The following MCMBP variants were observed in gnomAD, a reference collection of about 807,000 sequenced individuals.
MCMBP encodes the protein mini-chromosome maintenance complex-binding protein.
MCMBP carries 31 observed loss-of-function variants against 81.3 expected under a neutral mutation model. That is an observed-to-expected ratio of 0.38 (90% confidence interval 0.29 to 0.51). MCMBP has a LOEUF of 0.51. MCMBP is among the 20% of genes least tolerant of loss of function. MCMBP has a pLI of 0.87. For missense variants in MCMBP, 645 were observed against 772.1 expected (o/e 0.84, Z 1.95); for synonymous variants, 267 against 275.9 (o/e 0.97, Z 0.32).
chr10:119,858,760 A>C, intron 4 of MCMBP, 124 bp downstream of exon 4: 2 of 784,326 alleles, frequency 2.5e-6, no homozygotes, highest in East Asian at 5.5e-5. Flanking sequence ...AAATAAGGAA[A>C]ACATTTCACA....
intron 5 of MCMBP, among the ~76,000 whole-genome samples, chr10:119,854,981 A>G (rs1378330862): frequency 3.3e-5 from 5 of 151,840 alleles, no homozygotes; most frequent in African/African-American, 1.2e-4. Context: ...AATAAAATAA[A>G]ATCATAATCA....
intron 1 of MCMBP, among the ~76,000 whole-genome samples, chr10:119,871,327 G>C (rs1365408439): frequency 6.6e-6 from 1 of 151,430 alleles, no homozygotes; most frequent in Non-Finnish European, 1.5e-5. Flanking sequence ...AAGCACCCTT[G>C]ACTGCTATAT....
chr10:119,852,974 T>G (rs759057724), intron 6 of MCMBP, 76 bp downstream of exon 6: 8 of 1,547,394 alleles, frequency 5.2e-6, no homozygotes, highest in Non-Finnish European at 7.1e-6. Flanking sequence ...AGAGCTATAT[T>G]ATGTAACAAT....
Position 119,831,571 on chromosome 10 carries a change from G to A in MCMBP, c.1826C>T (p.Thr609Met), listed in dbSNP as rs367806765. ...TCTCAGCCATCGTTCTCTTGACAGC[G>A]TTGTCTGACCAGCACTGAGAGACAG... ...RCLSLSAGQT[T>M]LSRERWLRAK... is the part of the protein sequence containing the mutation. The change falls in exon 16 of 16, where the codon ACG becomes ATG. Residue 609 changes from threonine (T) to methionine (M), a missense_variant. Thr to Met is a moderately conservative substitution (Grantham distance 81). Transcript: ENST00000369077. The A allele has an allele frequency of 1.7e-5, 27 of 1,613,858 alleles. No homozygotes were observed. Among genetic ancestry groups the A allele is most frequent in the African/African-American group, 1.1e-4 (8 of 74,914 alleles).
intron 7 of MCMBP, 22 bp from the exon 8 acceptor site, chr10:119,847,735 T>A: frequency 7.1e-7 from 1 of 1,404,076 alleles, no homozygotes; most frequent in Middle Eastern, 1.8e-4. Flanking sequence ...CCACATGAAA[T>A]CACACTGTTA....
chr10:119,873,082 C>G (rs1459401796), upstream of MCMBP, among the ~76,000 whole-genome samples: 2 of 152,002 alleles, frequency 1.3e-5, no homozygotes, highest in African/African-American at 4.8e-5. Flanking sequence ...ACCCCTGGGC[C>G]GGCGTGTAGC....
At chr10:119,869,434 T>A (rs1397141790) in intron 1 of MCMBP, among the ~76,000 whole-genome samples, 1 of 152,188 alleles carries the variant, frequency 6.6e-6, no homozygotes, top group Non-Finnish European at 1.5e-5. Context: ...TAGCTGGGCA[T>A]GGTGGCATGC....
At chr10:119,833,849 G>C (rs1852140869) in intron 14 of MCMBP, among the ~76,000 whole-genome samples, 1 of 152,000 alleles carries the variant, frequency 6.6e-6, no homozygotes, top group African/African-American at 2.4e-5. Context: ...CACATAAAAA[G>C]AACTTCAGGA....
chr10:119,839,632 AG>A (rs1852365774), intron 11 of MCMBP, among the ~76,000 whole-genome samples: 1 of 152,210 alleles, frequency 6.6e-6, no homozygotes, highest in Admixed American at 6.5e-5. Flanking sequence ...ACCCTTTTAC[AG>A]GGTCAATCAG....
rs766774498 is a variant in MCMBP at position 119,853,046 on chromosome 10, C to T, written c.574+4G>A. 2.5e-6 allele frequency: 4 copies of T among 1,613,932 alleles called. No individual in the cohort carries two copies. In the African/African-American group the frequency reaches 5.3e-5, roughly 22 times the overall value. On this transcript the variant is annotated splice_donor_region_variant and intron_variant, in intron 6 of 15. Coordinates refer to ENST00000369077, the MANE Select transcript of MCMBP (RefSeq NM_001256378.2). The stretch of plus-strand genomic sequence containing the variant: ...TCTAGAGAAAACCTGTTGGCACACA[C>T]TACCTGCTTGTCTGGCACCTGCATG...
intron 2 of MCMBP, among the ~76,000 whole-genome samples, chr10:119,859,583 ACAGT>A (rs1394449773): frequency 3.3e-5 from 5 of 152,146 alleles, no homozygotes; most frequent in African/African-American, 7.2e-5. Flanking sequence ...TCAGGAAGTA[ACAGT>A]CAGTTACTGC....
Position 119,849,496 on chromosome 10 carries a change from G to C in MCMBP, c.655C>G (p.Leu219Val), listed in dbSNP as rs149745930. 2.7e-5 allele frequency: 44 copies of C among 1,611,620 alleles called. No individual in the cohort carries two copies. The highest frequency in any genetic ancestry group is 3.6e-5 in the Non-Finnish European group (43 of 1,179,312). ...AAATCAAAAGGAGAAGACAAGTTCA[G>C]AGAGTTCAGCTGTTGCCCAGTAGAA... ...EASTGQQLNS[L>V]NLSSPFDLNF... is the part of the protein sequence containing the mutation. The change falls in exon 7 of 16, where the codon CTG (leucine) becomes GTG (valine). Residue 219 changes from leucine (L) to valine (V), a missense_variant. Physicochemically the swap from Leu to Val is conservative, Grantham distance 32. Transcript: ENST00000369077.
At chr10:119,858,650 A>G (rs910447390) in intron 4 of MCMBP, among the ~76,000 whole-genome samples, 1 of 152,164 alleles carries the variant, frequency 6.6e-6, no homozygotes, top group Non-Finnish European at 1.5e-5. Flanking sequence ...TTATATACAG[A>G]TATTGGAGAG....
intron 14 of MCMBP, among the ~76,000 whole-genome samples, 194 bp from the exon 15 acceptor site, chr10:119,832,294 G>A (rs1328467703): frequency 6.6e-6 from 1 of 152,114 alleles, no homozygotes; most frequent in African/African-American, 2.4e-5. Context: ...ATTCATTTAA[G>A]GTCAAGCAAA....
At chr10:119,859,250 A>T (rs1246314377) in intron 2 of MCMBP, 69 bp from the exon 3 acceptor site, 16 of 1,416,548 alleles carry the variant, frequency 1.1e-5, no homozygotes, top group African/African-American at 2.9e-5. Context: ...TATATACACA[A>T]ACTTTATATC....
chr10:119,833,208 A>T (rs552838364), intron 14 of MCMBP, among the ~76,000 whole-genome samples: 1 of 152,376 alleles, frequency 6.6e-6, no homozygotes, highest in African/African-American at 2.4e-5. Flanking sequence ...CATGTGACAA[A>T]GATACAGACT....
intron 10 of MCMBP, 66 bp from the exon 11 acceptor site, chr10:119,841,026 A>G (rs1468142617): frequency 2.2e-6 from 2 of 928,572 alleles, no homozygotes; most frequent in Non-Finnish European, 3.4e-6. Flanking sequence ...CAAATAGCGA[A>G]GAATAGAAAA....
intron 12 of MCMBP, among the ~76,000 whole-genome samples, chr10:119,837,788 A>C (rs1482801236): frequency 1.3e-5 from 2 of 149,840 alleles, no homozygotes; most frequent in Non-Finnish European, 1.5e-5. Context: ...GTCTCAAAAC[A>C]AAAAAAAAAT....
chr10:119,850,402 T>C (rs1330868001), intron 6 of MCMBP, among the ~76,000 whole-genome samples: 1 of 152,014 alleles, frequency 6.6e-6, no homozygotes, highest in Non-Finnish European at 1.5e-5. Context: ...GGTAATGAAA[T>C]ATTCCCGATT....
Sources: gnomAD v4.1 joint callset for allele counts (sites outside exome capture counted in the v4.1 genomes callset) on GRCh38, gnomAD v4.1.1 for gene constraint, MANE v1.5 for transcripts, NCBI Gene and HGNC (gene_info 2026-07-23, HGNC 2026-07-21) for gene names.